RBFOX1: variants seen among roughly 807,000 people sequenced by gnomAD.
RBFOX1 encodes RNA binding fox-1 homolog 1, also known as RNA binding protein fox-1 homolog 1.
RBFOX1 carries 8 observed loss-of-function variants against 57.7 expected under a neutral mutation model. That is an observed-to-expected ratio of 0.14 (90% CI 0.08 to 0.25). RBFOX1 has a LOEUF of 0.25. RBFOX1 is among the 10% of genes least tolerant of loss of function. The probability of loss-of-function intolerance (pLI) is 1.00; values close to 1 mark genes in which losing one functional copy is unlikely to be tolerated. For synonymous variants in RBFOX1, 326 were observed against 222.4 expected (o/e 1.47, Z -4.15); for missense variants, 611 against 548.5 (o/e 1.11, Z -1.14).
At chr16:7,154,419 A>G (rs995946053) in intron 4 of RBFOX1, among the ~76,000 whole-genome samples, 1 of 152,244 alleles carries the variant, frequency 6.6e-6, no homozygotes, top group African/African-American at 2.4e-5. Context: ...TTTGAAAGAT[A>G]TGGTCCCATC....
chr16:6,130,456 C>G (rs1214197000), intron 1 of RBFOX1, among the ~76,000 whole-genome samples: 2 of 151,816 alleles, frequency 1.3e-5, no homozygotes. Context: ...AAAAAGAAGT[C>G]AAGAAATAAG....
intron 2 of RBFOX1, among the ~76,000 whole-genome samples, chr16:5,527,853 G>C (rs2044305172): frequency 6.6e-6 from 1 of 152,156 alleles, no homozygotes; most frequent in African/African-American, 2.4e-5. Context: ...GTAACAAAGT[G>C]GGCCACTCTA....
chr16:5,724,446 G>A (rs77130937), intron 3 of RBFOX1, among the ~76,000 whole-genome samples: 7,374 of 152,110 alleles, frequency 0.048, 480 homozygotes, highest in East Asian at 0.14. Flanking sequence ...CTATGTCTTC[G>A]TGAAATGGCA....
intron 4 of RBFOX1, among the ~76,000 whole-genome samples, chr16:7,243,965 C>T (rs1381624459): frequency 3.4e-5 from 4 of 118,142 alleles, no homozygotes; most frequent in African/African-American, 1.3e-4. Context: ...ATACAAAACT[C>T]GATAACTAAC....
chr16:7,701,345 C>T (rs577303106), intron 14 of RBFOX1, among the ~76,000 whole-genome samples: 1 of 152,264 alleles, frequency 6.6e-6, no homozygotes, highest in South Asian at 2.1e-4. Context: ...GCAGCCGCCC[C>T]CTCTCACTCA....
intron 3 of RBFOX1, among the ~76,000 whole-genome samples, chr16:5,760,001 C>T (rs1015496836): frequency 3.6e-5 from 5 of 138,802 alleles, no homozygotes; most frequent in African/African-American, 1.3e-4. Flanking sequence ...AATATCCCCA[C>T]TGGGTTAAAA....
intron 4 of RBFOX1, among the ~76,000 whole-genome samples, chr16:5,923,253 A>G (rs1260800491): frequency 6.6e-6 from 1 of 152,188 alleles, no homozygotes; most frequent in Non-Finnish European, 1.5e-5. Flanking sequence ...AATAAACTCT[A>G]AATTAACAAA....
chr16:7,709,596 A>T, intron 15 of RBFOX1: 1 of 1,530,014 alleles, frequency 6.5e-7, no homozygotes, highest in South Asian at 1.2e-5. Context: ...CTCCTCCCCT[A>T]TTACAATTCA....
chr16:5,594,034 C>A (rs947621581), intron 2 of RBFOX1, among the ~76,000 whole-genome samples: 2 of 151,994 alleles, frequency 1.3e-5, no homozygotes, highest in African/African-American at 4.8e-5. Flanking sequence ...TTTGGTCAGC[C>A]ATGGCCTTGG....
At chr16:6,448,156 C>CTTTCT (rs2094523593) in intron 2 of RBFOX1, among the ~76,000 whole-genome samples, 9 of 78,458 alleles carry the variant, frequency 1.1e-4, no homozygotes, top group African/African-American at 5.0e-4. Flanking sequence ...TCTTTTCTTT[C>CTTTCT]TTTTTTTTTT....
At chr16:5,589,166 A>G (rs1434981778) in intron 2 of RBFOX1, among the ~76,000 whole-genome samples, 1 of 152,166 alleles carries the variant, frequency 6.6e-6, no homozygotes, top group African/African-American at 2.4e-5. Flanking sequence ...GACCCACTGT[A>G]AGAAGCTGTT....
chr16:7,179,113 C>T (rs1392281005), intron 4 of RBFOX1, among the ~76,000 whole-genome samples: 2 of 152,068 alleles, frequency 1.3e-5, no homozygotes, highest in Non-Finnish European at 2.9e-5. Context: ...GGTCAGATCC[C>T]AGATTACTCG....
chr16:7,253,763 C>G (rs1160848263), intron 4 of RBFOX1, among the ~76,000 whole-genome samples: 2 of 152,170 alleles, frequency 1.3e-5, no homozygotes, highest in African/African-American at 4.8e-5. Context: ...ACTTACCTTG[C>G]TGCCTCCTTG....
At chr16:6,775,243 A>G (rs1048136114) in intron 3 of RBFOX1, among the ~76,000 whole-genome samples, 4 of 148,838 alleles carry the variant, frequency 2.7e-5, no homozygotes, top group African/African-American at 9.9e-5. Context: ...GGCAGGAGAA[A>G]GGCGTGAAAC....
rs140871396 is a variant in RBFOX1 at position 6,839,508 on chromosome 16, G to A, written c.-16+184858G>A. Among the ~76,000 whole-genome samples, 85 of 152,286 alleles carry A rather than the reference G, an allele frequency of 5.6e-4. 1 individual carries two copies. In the East Asian group the frequency reaches 0.015, roughly 27 times the overall value. On this transcript the variant is annotated intron_variant, in intron 3 of 15. Coordinates refer to ENST00000550418, the MANE Select transcript of RBFOX1 (RefSeq NM_018723.4). ...AGGTTTCTTTTATTATGGACAGAAAGGCCAAGTGAAATTTTAATCAGACAG... is the reference window on the plus strand; with the variant it reads ...AGGTTTCTTTTATTATGGACAGAAAAGCCAAGTGAAATTTTAATCAGACAG...
intron 1 of RBFOX1, among the ~76,000 whole-genome samples, chr16:6,215,747 G>A (rs1201248508): frequency 2.0e-5 from 3 of 152,118 alleles, no homozygotes; most frequent in Non-Finnish European, 4.4e-5. Context: ...GGTGCACACA[G>A]CTCTTCGAAA....
At chr16:7,174,935 A>T (rs1250102782) in intron 4 of RBFOX1, among the ~76,000 whole-genome samples, 1 of 152,172 alleles carries the variant, frequency 6.6e-6, no homozygotes, top group African/African-American at 2.4e-5. Flanking sequence ...AATTACTGCC[A>T]TTCTAGTGGG....
intron 2 of RBFOX1, among the ~76,000 whole-genome samples, chr16:5,593,859 C>A (rs72763274): frequency 6.6e-6 from 1 of 152,082 alleles, no homozygotes; most frequent in African/African-American, 2.4e-5. Flanking sequence ...ATCCAAGAAC[C>A]CTCGTTTGGG....
intron 2 of RBFOX1, among the ~76,000 whole-genome samples, chr16:6,501,142 T>A (rs1187308252): frequency 6.7e-6 from 1 of 150,054 alleles, no homozygotes; most frequent in Non-Finnish European, 1.5e-5. Context: ...TTTTTTTTTT[T>A]TTTTTTTTTT....
Sources: allele counts gnomAD v4.1 joint callset (sites outside exome capture counted in the v4.1 genomes callset), GRCh38; gene constraint gnomAD v4.1.1; transcripts MANE v1.5; gene names NCBI Gene and HGNC (gene_info 2026-07-23, HGNC 2026-07-21).